DPP3: variants seen among roughly 807,000 people sequenced by gnomAD.
DPP3 encodes DPP III.
A neutral mutation model predicts 89.8 loss-of-function variants in DPP3; 64 were observed. That is an observed-to-expected ratio of 0.71 (90% CI 0.58 to 0.88). DPP3 has a LOEUF of 0.88. Ranked by LOEUF, DPP3 falls within the 40% of genes least tolerant of loss-of-function variation. The pLI is 0.00. For missense variants in DPP3, 835 were observed against 972.5 expected (o/e 0.86, Z 1.88); for synonymous variants, 377 against 404.3 (o/e 0.93, Z 0.81).
chr11:66,504,147 G>C (rs1254259908), intron 16 of DPP3, among the ~76,000 whole-genome samples: 1 of 151,870 alleles, frequency 6.6e-6, no homozygotes, highest in Non-Finnish European at 1.5e-5. Context: ...TTTTTTTAGA[G>C]ACGAGACGGG....
intron 16 of DPP3, among the ~76,000 whole-genome samples, chr11:66,498,475 C>T (rs1368813579): frequency 3.3e-5 from 5 of 152,046 alleles, no homozygotes; most frequent in South Asian, 4.2e-4. Flanking sequence ...GTGATCCACC[C>T]GCCTTGACCT....
At chr11:66,501,201 G>C (rs1855667904) in intron 16 of DPP3, among the ~76,000 whole-genome samples, 1 of 149,338 alleles carries the variant, frequency 6.7e-6, no homozygotes, top group Admixed American at 6.7e-5. Context: ...AAAAAAAAAA[G>C]TGCAAAAAAG....
At chr11:66,504,150 G>T (rs955978212) in intron 16 of DPP3, among the ~76,000 whole-genome samples, 1 of 151,664 alleles carries the variant, frequency 6.6e-6, no homozygotes, top group Non-Finnish European at 1.5e-5. Context: ...TTTTAGAGAC[G>T]AGACGGGGTC....
chr11:66,507,010 T>C lies in DPP3; in HGVS notation c.2042-2069T>C, dbSNP rs563598172. On this transcript the variant is annotated intron_variant, in intron 17 of 17. Transcript: ENST00000531863. ...CATGCACAGCCTGGCACACTGGAGT[T>C]GCTCAGTGACTGTCAAATGAGTGCA... 2.0e-5 allele frequency among the ~76,000 whole-genome samples: 3 copies of C among 152,212 alleles called. No homozygotes were observed. The South Asian group carries it at 6.2e-4, about 32-fold the overall frequency.
chr11:66,483,019 C>CTTTTT (rs201088116), intron 2 of DPP3: 3 of 139,816 alleles, frequency 2.1e-5, no homozygotes, highest in Non-Finnish European at 3.1e-5. Flanking sequence ...CTTTCTCTCT[C>CTTTTT]TTTTTTATTT....
chr11:66,508,711 A>C (rs1381287992), intron 17 of DPP3, among the ~76,000 whole-genome samples: 1 of 151,940 alleles, frequency 6.6e-6, no homozygotes, highest in Non-Finnish European at 1.5e-5. Context: ...GTTTAGTATA[A>C]ACAGTGTTTC....
At position 66,493,531 on chromosome 11, in the gene DPP3, G is replaced by A. The variant is rs951756832; in HGVS notation, c.1297-10G>A. On this transcript the variant is annotated splice_polypyrimidine_tract_variant and intron_variant, in intron 11 of 17. Transcript: ENST00000531863. ...CAGTGGACAGCGCGGGTCTCTGCTT[G>A]TCTTGGCAGGACCTGTACATCCTCT... 1.2e-6 allele frequency: 2 copies of A among 1,612,670 alleles called. No individual in the cohort carries two copies. The highest frequency in any genetic ancestry group is 3.3e-5 in the Admixed American group (2 of 59,968).
At chr11:66,484,574 G>T (rs1470539634) in intron 2 of DPP3, among the ~76,000 whole-genome samples, 2 of 152,054 alleles carry the variant, frequency 1.3e-5, no homozygotes, top group Non-Finnish European at 2.9e-5. Flanking sequence ...CTTGAGCCTT[G>T]TGTCCATCCT....
In DPP3 at chr11:66,482,366, G is replaced by A. The variant is rs34243583; in HGVS notation, c.166G>A (p.Ala56Thr). 2.5e-6 allele frequency: 4 copies of A among 1,612,504 alleles called. No individual in the cohort carries two copies. The highest frequency in any genetic ancestry group is 3.4e-6 in the Non-Finnish European group (4 of 1,180,042). The change falls in exon 2 of 18, where the codon GCC (alanine) becomes ACC (threonine). Residue 56 changes from alanine (A) to threonine (T), a missense_variant. Physicochemically the swap from Ala to Thr is moderately conservative, Grantham distance 58. Coordinates refer to ENST00000531863, the MANE Select transcript of DPP3 (RefSeq NM_130443.4). ...LAVLLQTSPE[A>T]PYIYALLSRL... ...TGTGCTGCTTCAGACCTCCCCTGAG[G>A]CCCCCTACATCTATGCTCTGCTCAG... is the stretch of plus-strand genomic sequence containing the variant.
chr11:66,482,417 G>C lies in DPP3; in HGVS notation c.217G>C (p.Asp73His), dbSNP rs536918372. The C allele has an allele frequency of 1.1e-5, 17 of 1,609,484 alleles. No homozygotes were observed. Among genetic ancestry groups the C allele is most frequent in the African/African-American group, 6.7e-5 (5 of 75,040 alleles). Reference protein sequence around the residue: ...LSRLFRAQDPDQLRQHALAEG... With the variant: ...LSRLFRAQDPHQLRQHALAEG... The stretch of plus-strand genomic sequence containing the variant: ...CCGCCTCTTCCGCGCCCAGGACCCC[G>C]ACCAGCTGCGCCAACATGCCCTGGC... Residue 73 changes from aspartate (D) to histidine (H), a missense_variant, in exon 2 of 18, where the codon GAC (aspartate) becomes CAC (histidine). By Grantham distance (81) the Asp-to-His change is moderately conservative. Coordinates refer to ENST00000531863, the MANE Select transcript of DPP3 (RefSeq NM_130443.4).
chr11:66,501,825 CAAA>C (rs35196491), intron 16 of DPP3, among the ~76,000 whole-genome samples: 3 of 84,422 alleles, frequency 3.6e-5, no homozygotes, highest in Non-Finnish European at 4.7e-5. Flanking sequence ...ACTTTGTCTC[CAAA>C]AAAAAAAAAA....
intron 12 of DPP3, among the ~76,000 whole-genome samples, 180 bp from the exon 13 acceptor site, chr11:66,495,026 C>G (rs2134736588): frequency 6.6e-6 from 1 of 152,328 alleles, no homozygotes; most frequent in South Asian, 2.1e-4. Context: ...GAGGAGGCAG[C>G]CAGCGTCACA....
chr11:66,501,219 G>A (rs546177566), intron 16 of DPP3, among the ~76,000 whole-genome samples: 1 of 151,686 alleles, frequency 6.6e-6, no homozygotes, highest in African/African-American at 2.4e-5. Flanking sequence ...AAGTTAGCCA[G>A]GCATGGTGGC....
chr11:66,495,879 T>A, intron 15 of DPP3, 129 bp downstream of exon 15: 1 of 1,437,526 alleles, frequency 7.0e-7, no homozygotes, highest in Non-Finnish European at 9.3e-7. Flanking sequence ...CTCCACTGTT[T>A]GGGAGGCAAG....
chr11:66,480,540 C>T lies in DPP3; in HGVS notation c.-9+75C>T. ...GACCAAGGCGAATCCATACTGAGCG[C>T]AAAATCGTTCCCTTTCTGCCCACTC... On this transcript the variant is annotated intron_variant, in intron 1 of 17. Coordinates refer to ENST00000531863, the MANE Select transcript of DPP3 (RefSeq NM_130443.4). The T allele has an allele frequency of 2.1e-6, 3 of 1,423,640 alleles. No individual in the cohort carries two copies. The African/African-American group carries it at 4.6e-5, about 22-fold the overall frequency. The allele number at this position is 1,423,640 out of a possible 1,614,324, so 88.2% of individuals were successfully genotyped here. A position where few individuals can be genotyped will look rare whatever the true frequency, so the allele number is the denominator to read the frequency against.
rs775150991 is a variant in DPP3, at chr11:66,495,388, G to A, written c.1476G>A (p.Gly492=). The part of the protein sequence containing the change: ...GEQIQSWYRS[G]ETWDSKFSTI... ...AGATTCAGAGCTGGTATCGGAGCGG[G>A]GAGACCTGGGATAGCAAGTTCAGCA... The change falls in exon 14 of 18, where the codon GGG becomes GGA. Residue 492 remains glycine, a synonymous_variant. Coordinates refer to ENST00000531863, the MANE Select transcript of DPP3 (RefSeq NM_130443.4). 1.2e-6 allele frequency: 2 copies of A among 1,613,712 alleles called. No homozygotes were observed. The highest frequency in any genetic ancestry group is 1.7e-6 in the Non-Finnish European group (2 of 1,179,814).
chr11:66,499,257 G>C (rs1213274571), intron 16 of DPP3, among the ~76,000 whole-genome samples: 2 of 151,654 alleles, frequency 1.3e-5, no homozygotes, highest in African/African-American at 4.8e-5. Context: ...CAGCTACTTG[G>C]GAGGCTGAAG....
chr11:66,507,417 A>C (rs890901078), intron 17 of DPP3, among the ~76,000 whole-genome samples: 1 of 152,042 alleles, frequency 6.6e-6, no homozygotes, highest in Non-Finnish European at 1.5e-5. Context: ...CAGTGAGCCA[A>C]GATTGCGTCA....
rs753495873 is a variant in DPP3 at position 66,491,528 on chromosome 11, T to A, written c.833T>A (p.Leu278Gln). The change falls in exon 8 of 18, where the codon CTG becomes CAG. Residue 278 changes from leucine to glutamine, a missense_variant. By Grantham distance (113) the Leu-to-Gln change is moderately radical (BLOSUM62 -2). Coordinates refer to ENST00000531863, the MANE Select transcript of DPP3 (RefSeq NM_130443.4). The part of the protein sequence containing the change: ...YAANSHQGQM[L>Q]AQYIESFTQG... Reference sequence around the variant, plus strand: ...GCCAACAGCCACCAGGGGCAGATGCTGGCCCAGTATATAGAGAGCTTCACC... The same window carrying A: ...GCCAACAGCCACCAGGGGCAGATGCAGGCCCAGTATATAGAGAGCTTCACC... 1.2e-6 allele frequency: 2 copies of A among 1,612,288 alleles called. No individual in the cohort carries two copies. The highest frequency in any genetic ancestry group is 2.2e-5 in the East Asian group (1 of 44,786).
Sources: allele counts gnomAD v4.1 joint callset (sites outside exome capture counted in the v4.1 genomes callset), GRCh38; gene constraint gnomAD v4.1.1; transcripts MANE v1.5; gene names NCBI Gene and HGNC (gene_info 2026-07-23, HGNC 2026-07-21).